The following NFIB variants were observed in gnomAD, a reference collection of about 807,000 sequenced individuals.
NFIB encodes the protein nuclear factor 1 B-type.
Under a neutral mutation model 61.5 loss-of-function variants are expected in NFIB, and 11 were observed. The ratio of observed to expected loss-of-function variants is 0.18; its 90% CI spans 0.11 to 0.30. NFIB has a LOEUF of 0.30. Among genes scored for constraint, NFIB ranks in the 10% least tolerant of loss-of-function variants. NFIB has a pLI of 1.00. For synonymous variants in NFIB, 260 were observed against 216.5 expected, an observed-to-expected ratio of 1.20 and a Z score of -1.76; for missense variants, 471 against 608.9, an observed-to-expected ratio of 0.77 and a Z score of 2.38.
intron 1 of NFIB, among the ~76,000 whole-genome samples, chr9:14,393,337 A>G (rs1315805485): frequency 6.6e-6 from 1 of 152,084 alleles, no homozygotes; most frequent in African/African-American, 2.4e-5. Flanking sequence ...CAATATCTCC[A>G]TGTCTGGTTC....
chr9:14,085,808 C>T lies in NFIB; in HGVS notation c.*2501G>A, dbSNP rs776794164. 5.4e-5 allele frequency: 12 copies of T among 220,712 alleles called. No individual in the cohort carries two copies. The highest frequency in any genetic ancestry group is 1.0e-4 in the Non-Finnish European group (11 of 110,240). 13.7% of individuals were successfully genotyped at this position (220,712 alleles called of 1,614,324 possible). A position where few individuals can be genotyped will look rare whatever the true frequency, so the allele number is the denominator to read the frequency against. ...GACGAAAAGTGGCAGAAAAGGAATACGGGAGACTCCCTCCAACAGGTCTAA... is the reference window on the plus strand; with the variant it reads ...GACGAAAAGTGGCAGAAAAGGAATATGGGAGACTCCCTCCAACAGGTCTAA... On this transcript the variant is annotated 3_prime_UTR_variant, in exon 11 of 11. Coordinates refer to ENST00000380953, the MANE Select transcript of NFIB (RefSeq NM_001190737.2).
the NFIB span, among the ~76,000 whole-genome samples, chr9:14,441,876 T>C: frequency 6.6e-6 from 1 of 152,216 alleles, no homozygotes; most frequent in East Asian, 1.9e-4. Context: ...GAGGCAACTA[T>C]GATTGTATTA....
intron 2 of NFIB, among the ~76,000 whole-genome samples, chr9:14,197,551 T>C (rs1367247845): frequency 2.0e-5 from 3 of 152,234 alleles, no homozygotes; most frequent in African/African-American, 7.2e-5. Context: ...ATAACCACAT[T>C]TCCTTATTAC....
chr9:14,528,940 C>T, the NFIB span, among the ~76,000 whole-genome samples: 4 of 152,098 alleles, frequency 2.6e-5, no homozygotes, highest in African/African-American at 9.7e-5. Flanking sequence ...ATCAACAGAA[C>T]TCTAAATATA....
intron 1 of NFIB, among the ~76,000 whole-genome samples, chr9:14,388,568 A>G (rs768280156): frequency 6.6e-6 from 1 of 152,064 alleles, no homozygotes; most frequent in Admixed American, 6.6e-5. Flanking sequence ...TACATGTGCT[A>G]TGATACTCAG....
At chr9:14,131,401 A>G (rs530782867) in intron 6 of NFIB, among the ~76,000 whole-genome samples, 2 of 152,274 alleles carry the variant, frequency 1.3e-5, no homozygotes, top group African/African-American at 4.8e-5. Flanking sequence ...CTAGGCCTTG[A>G]TGTGTTATTT....
At chr9:14,379,495 C>G (rs1259307584) in intron 1 of NFIB, among the ~76,000 whole-genome samples, 2 of 152,072 alleles carry the variant, frequency 1.3e-5, no homozygotes, top group Non-Finnish European at 2.9e-5. Context: ...CACTTACTCG[C>G]TATTTTAACG....
chr9:14,431,732 A>C, the NFIB span, among the ~76,000 whole-genome samples: 1 of 151,806 alleles, frequency 6.6e-6, no homozygotes, highest in East Asian at 1.9e-4. Flanking sequence ...TTCCTAGCTA[A>C]GTTGGGAGCA....
intron 10 of NFIB, among the ~76,000 whole-genome samples, chr9:14,089,268 C>T (rs993856616): frequency 3.4e-5 from 5 of 148,914 alleles, no homozygotes; most frequent in Admixed American, 1.4e-4. Flanking sequence ...TGATAGATGG[C>T]GGGTTGGGGG....
At chr9:14,487,061 C>T in the NFIB span, among the ~76,000 whole-genome samples, 1 of 151,990 alleles carries the variant, frequency 6.6e-6, no homozygotes, top group African/African-American at 2.4e-5. Context: ...CAACATTTTA[C>T]ATGTCTGGAT....
At chr9:14,462,685 CTTAG>C in the NFIB span, among the ~76,000 whole-genome samples, 9 of 152,074 alleles carry the variant, frequency 5.9e-5, no homozygotes, top group African/African-American at 1.7e-4. Flanking sequence ...TTTTAGAGTT[CTTAG>C]TTAAAGTGAC....
the NFIB span, among the ~76,000 whole-genome samples, chr9:14,531,031 T>G: frequency 4.6e-5 from 7 of 152,236 alleles, no homozygotes; most frequent in Non-Finnish European, 1.0e-4. Flanking sequence ...TTGTCACGAC[T>G]ATTGCATACA....
In NFIB at chr9:14,314,026, GAAAGT is replaced by G; in HGVS notation, c.-520_-516del. Reference sequence around the variant, plus strand: ...CGGGGAGAATGTGTCACCGCGCTGGGAAAGTTCAAGGTTACAGCCCCAAGCACTGC... The same window carrying G: ...CGGGGAGAATGTGTCACCGCGCTGGGTCAAGGTTACAGCCCCAAGCACTGC... On this transcript the variant is annotated 5_prime_UTR_variant, in exon 1 of 11. Coordinates refer to ENST00000380953, the MANE Select transcript of NFIB (RefSeq NM_001190737.2). The G allele has an allele frequency of 9.3e-7, 1 of 1,070,458 alleles. No homozygotes were observed. Among genetic ancestry groups the G allele is most frequent in the Non-Finnish European group, 1.1e-6 (1 of 883,482 alleles). 66.3% of individuals were successfully genotyped at this position (1,070,458 alleles called of 1,614,324 possible). A position where few individuals can be genotyped will look rare whatever the true frequency, so the allele number is the denominator to read the frequency against.
At chr9:14,287,583 C>T (rs1397305233) in intron 2 of NFIB, among the ~76,000 whole-genome samples, 1 of 151,768 alleles carries the variant, frequency 6.6e-6, no homozygotes, top group Non-Finnish European at 1.5e-5. Flanking sequence ...CCACCAGGCC[C>T]GGCTAATTTT....
Position 14,186,053 on chromosome 9 carries a change from A to G in NFIB, c.563-6273T>C, listed in dbSNP as rs1031407298. Among the ~76,000 whole-genome samples, 5 of 152,332 alleles carry G rather than the reference A, an allele frequency of 3.3e-5. No individual in the cohort carries two copies. The East Asian group carries it at 5.8e-4, about 18-fold the overall frequency. On this transcript the variant is annotated intron_variant, in intron 2 of 10. Coordinates refer to ENST00000380953, the MANE Select transcript of NFIB (RefSeq NM_001190737.2). The stretch of plus-strand genomic sequence containing the variant: ...TTAGGAACTCTTTTTATTCTCTGAC[A>G]CCATGGCTTGAGGATCAACAGAAAA...
intron 2 of NFIB, among the ~76,000 whole-genome samples, chr9:14,279,993 C>T (rs2058263242): frequency 6.6e-6 from 1 of 152,142 alleles, no homozygotes; most frequent in African/African-American, 2.4e-5. Context: ...GTGCCCATTC[C>T]AATCGTATTA....
intron 2 of NFIB, among the ~76,000 whole-genome samples, chr9:14,184,918 G>A (rs1587410835): frequency 6.6e-6 from 1 of 152,246 alleles, no homozygotes; most frequent in Non-Finnish European, 1.5e-5. Context: ...AGCTACTTGA[G>A]AGGCTGAGAC....
chr9:14,434,344 T>C, the NFIB span, among the ~76,000 whole-genome samples: 1 of 152,156 alleles, frequency 6.6e-6, no homozygotes, highest in Non-Finnish European at 1.5e-5. Context: ...GGATATGGAT[T>C]TCCCACCCCA....
At chr9:14,472,198 A>C in the NFIB span, among the ~76,000 whole-genome samples, 1 of 152,216 alleles carries the variant, frequency 6.6e-6, no homozygotes, top group Non-Finnish European at 1.5e-5. Flanking sequence ...CTTTCTGATG[A>C]TATGGTCATT....
Sources: gnomAD v4.1 joint callset for allele counts (sites outside exome capture counted in the v4.1 genomes callset) on GRCh38, gnomAD v4.1.1 for gene constraint, MANE v1.5 for transcripts, NCBI Gene and HGNC (gene_info 2026-07-23, HGNC 2026-07-21) for gene names.